The following DNAH10 variants were observed in gnomAD, a reference collection of about 807,000 sequenced individuals.
DNAH10 encodes the protein axonemal beta dynein heavy chain 10.
Under a neutral mutation model 506.6 loss-of-function variants are expected in DNAH10, and 348 were observed. The ratio of observed to expected loss-of-function variants is 0.69; its 90% CI spans 0.63 to 0.75. DNAH10 has a LOEUF of 0.75. DNAH10 is among the 30% of genes least tolerant of loss of function. The pLI is 0.00. For missense variants in DNAH10, 5,179 were observed against 5,787.1 expected (o/e 0.89, Z 3.41); for synonymous variants, 2,059 against 2,198.6 (o/e 0.94, Z 1.78).
chr12:123,864,477 A>C, intron 39 of DNAH10, 118 bp from the exon 40 acceptor site: 6 of 1,397,190 alleles, frequency 4.3e-6, no homozygotes, highest in Non-Finnish European at 5.7e-6. Flanking sequence ...GCTCTGTCTC[A>C]GATACTGGGT....
At chr12:123,780,346 A>G (rs537976785) in intron 5 of DNAH10, among the ~76,000 whole-genome samples, 1 of 151,950 alleles carries the variant, frequency 6.6e-6, no homozygotes, top group African/African-American at 2.4e-5. Flanking sequence ...TTGTATTTTT[A>G]GTAGAGATGG....
chr12:123,847,910 A>G, intron 32 of DNAH10, 51 bp from the exon 33 acceptor site: 1 of 1,555,972 alleles, frequency 6.4e-7, no homozygotes, highest in East Asian at 2.3e-5. Context: ...AATGACACCC[A>G]CTTCCTTCTG....
chr12:123,897,342 G>A (rs1010129685), intron 54 of DNAH10, among the ~76,000 whole-genome samples: 2 of 152,164 alleles, frequency 1.3e-5, no homozygotes, highest in African/African-American at 4.8e-5. Flanking sequence ...CTGCTTTTCA[G>A]TTCTTTGGGG....
At chr12:123,890,439 TA>T (rs1272003377) in intron 52 of DNAH10, among the ~76,000 whole-genome samples, 112 of 140,186 alleles carry the variant, frequency 8.0e-4, no homozygotes, top group African/African-American at 9.9e-4. Context: ...ACCAGCTGAT[TA>T]AAAAAAAAAA....
Position 123,861,030 on chromosome 12 carries a change from G to GT in DNAH10, c.6770dup (p.Leu2257PhefsTer52). The GT allele has an allele frequency of 6.2e-7, 1 of 1,613,996 alleles. No homozygotes were observed. The highest frequency in any genetic ancestry group is 8.5e-7 in the Non-Finnish European group (1 of 1,179,902). On this transcript the variant is annotated frameshift_variant, in exon 39 of 79. Coordinates refer to ENST00000673944, the MANE Select transcript of DNAH10 (RefSeq NM_001372106.1). LOFTEE classifies it high-confidence loss of function. Reference sequence around the variant, plus strand: ...GATTTAGGCTTGGGCTGACGACAAAGTTGTACATCCTGAACCCCAAAGCCG... The same window carrying GT: ...GATTTAGGCTTGGGCTGACGACAAAGTTTGTACATCCTGAACCCCAAAGCCG...
At chr12:123,820,476 A>T in intron 23 of DNAH10, 104 bp from the exon 24 acceptor site, 1 of 1,206,668 alleles carries the variant, frequency 8.3e-7, no homozygotes, top group South Asian at 1.6e-5. Context: ...CGTGTGGTTT[A>T]TGAGGATGAA....
At chr12:123,914,289 A>T in intron 60 of DNAH10, 40 bp from the exon 61 acceptor site, 1 of 1,560,254 alleles carries the variant, frequency 6.4e-7, no homozygotes, top group Admixed American at 1.7e-5. Context: ...TTGTGGCCAG[A>T]AGGTAAACTC....
In DNAH10 at chr12:123,838,509, A is replaced by G. The variant is rs777013160; in HGVS notation, c.4956A>G (p.Pro1652=). ...TGATCAAGAGGTGCTGTGAAGCCCC[A>G]AACCGCCTCAGTGACCTACAGAACG... ...DPVIKRCCEA[P]NRLSDLQNVS... is the part of the protein sequence containing the mutation. Residue 1652 remains proline, a synonymous_variant, in exon 29 of 79, where the codon CCA becomes CCG. Transcript: ENST00000673944. 5.0e-6 allele frequency: 8 copies of G among 1,614,028 alleles called. No homozygotes were observed. The Admixed American group carries it at 1.2e-4, about 24-fold the overall frequency.
At chr12:123,867,860 G>A (rs1191380022) in intron 42 of DNAH10, 43 bp from the exon 43 acceptor site, 3 of 1,573,530 alleles carry the variant, frequency 1.9e-6, no homozygotes, top group East Asian at 2.3e-5. Context: ...ACTCTGTGGG[G>A]GTGGACTATG....
At chr12:123,844,487 G>A (rs545807761) in intron 30 of DNAH10, among the ~76,000 whole-genome samples, 2 of 152,292 alleles carry the variant, frequency 1.3e-5, no homozygotes, top group South Asian at 4.1e-4. Context: ...CATGAAAAGA[G>A]GAGAAACCCC....
intron 9 of DNAH10, 108 bp downstream of exon 9, chr12:123,786,044 A>C: frequency 8.1e-7 from 1 of 1,237,834 alleles, no homozygotes; most frequent in Non-Finnish European, 1.1e-6. Flanking sequence ...TCTCTTACTT[A>C]AAATGTACAA....
At chr12:123,783,058 A>G (rs1254466470) in intron 6 of DNAH10, 49 bp from the exon 7 acceptor site, 1 of 1,588,174 alleles carries the variant, frequency 6.3e-7, no homozygotes, top group Non-Finnish European at 8.6e-7. Flanking sequence ...TTCTCTTTGT[A>G]ATCATTTTTC....
intron 57 of DNAH10, among the ~76,000 whole-genome samples, chr12:123,906,950 T>C (rs1322714486): frequency 6.6e-6 from 1 of 152,230 alleles, no homozygotes; most frequent in African/African-American, 2.4e-5. Flanking sequence ...TATAAAAGCC[T>C]CCCTTTGTTG....
rs114053957 is a variant in DNAH10 at position 123,829,329 on chromosome 12, A to G, written c.4392-1217A>G. Among the ~76,000 whole-genome samples the G allele has an allele frequency of 9.7e-4, 147 of 152,050 alleles. 1 individual carries two copies. Among genetic ancestry groups the G allele is most frequent in the African/African-American group, 3.5e-3 (145 of 41,346 alleles). On this transcript the variant is annotated intron_variant, in intron 25 of 78. Coordinates refer to ENST00000673944, the MANE Select transcript of DNAH10 (RefSeq NM_001372106.1). ...TGAGGGTAGAGTGTTTGGCCTTCCAACGTCAAAAAGGCCACCTCTGGGGCA... is the reference window on the plus strand; with the variant it reads ...TGAGGGTAGAGTGTTTGGCCTTCCAGCGTCAAAAAGGCCACCTCTGGGGCA...
chr12:123,916,787 C>T lies in DNAH10; in HGVS notation c.11002+51C>T. On this transcript the variant is annotated intron_variant, in intron 63 of 78. Coordinates refer to ENST00000673944, the MANE Select transcript of DNAH10 (RefSeq NM_001372106.1). The surrounding 1 kb of genome is among the most constrained non-coding windows in gnomAD (Gnocchi z 4.6). ...CTAATTCAGATGGTTATGAGGGAGA[C>T]CGCAACCTCAGATCAAGGCATTCAT... 6.5e-7 allele frequency: 1 copy of T among 1,543,772 alleles called. No individual in the cohort carries two copies. The highest frequency in any genetic ancestry group is 8.7e-7 in the Non-Finnish European group (1 of 1,148,728).
At chr12:123,901,453 C>A (rs112586502) in intron 56 of DNAH10, among the ~76,000 whole-genome samples, 2 of 152,178 alleles carry the variant, frequency 1.3e-5, no homozygotes, top group South Asian at 4.1e-4. Flanking sequence ...TGTCAAGGCC[C>A]GTGCACGGCT....
Position 123,865,999 on chromosome 12 carries a change from A to G in DNAH10, c.7093A>G (p.Met2365Val). ...ASPATVSRCGMVYVDPKNLKY... is the reference protein window; with the variant it reads ...ASPATVSRCGVVYVDPKNLKY... ...CCCTGCAACTGTCTCTCGATGTGGAATGGTTTATGTGGATCCTAAAAACTT... is the reference window on the plus strand; with the variant it reads ...CCCTGCAACTGTCTCTCGATGTGGAGTGGTTTATGTGGATCCTAAAAACTT... Residue 2365 changes from methionine to valine, a missense_variant, in exon 41 of 79, where the codon ATG (methionine) becomes GTG (valine). Physicochemically the swap from Met to Val is conservative, Grantham distance 21. Around this residue, in one of 3 missense-constraint regions of DNAH10, gnomAD observed 4,844 missense variants for 5,430.5 expected, o/e 0.89. Coordinates refer to ENST00000673944, the MANE Select transcript of DNAH10 (RefSeq NM_001372106.1). 1.2e-6 allele frequency: 2 copies of G among 1,612,054 alleles called. No individual in the cohort carries two copies. The highest frequency in any genetic ancestry group is 1.1e-5 in the South Asian group (1 of 90,638).
chr12:123,765,863 ATCTATCTG>A (rs1197602005), intron 1 of DNAH10, among the ~76,000 whole-genome samples: 96 of 113,274 alleles, frequency 8.5e-4, no homozygotes, highest in African/African-American at 5.6e-3. Context: ...CTACCTATAC[ATCTATCTG>A]TCTGTCTCCT....
intron 39 of DNAH10, among the ~76,000 whole-genome samples, chr12:123,864,143 C>CT (rs770676668): frequency 0.29 from 33,814 of 116,984 alleles, 5,565 homozygotes; most frequent in South Asian, 0.33. Flanking sequence ...ACTTTTTTTT[C>CT]TTTTTTTTTT....
Sources: allele counts gnomAD v4.1 joint callset (sites outside exome capture counted in the v4.1 genomes callset), GRCh38; gene constraint gnomAD v4.1.1; regional missense constraint gnomAD v4.1.1; non-coding constraint Gnocchi (gnomAD v3.1); transcripts MANE v1.5; gene names NCBI Gene and HGNC (gene_info 2026-07-23, HGNC 2026-07-21).